Variants in CSMD1 observed in about 807,000 individuals in gnomAD.
CSMD1 encodes CUB and sushi domain-containing protein 1.
A neutral mutation model predicts 417.5 loss-of-function variants in CSMD1; 213 were observed. The observed-to-expected ratio is 0.51, with a 90% CI of 0.46 to 0.57. The LOEUF is 0.57. Among genes scored for constraint, CSMD1 ranks in the 20% least tolerant of loss-of-function variants. The pLI, the probability that CSMD1 is intolerant of heterozygous loss-of-function variation, is 0.00. For synonymous variants in CSMD1, 2,862 were observed against 1,736.8 expected, an observed-to-expected ratio of 1.65 and a Z score of -16.11; for missense variants, 6,923 against 4,529.7, an observed-to-expected ratio of 1.53 and a Z score of -15.17.
intron 8 of CSMD1, among the ~76,000 whole-genome samples, chr8:3,601,939 A>G (rs1801380395): frequency 6.6e-6 from 1 of 152,150 alleles, no homozygotes; most frequent in Non-Finnish European, 1.5e-5. Context: ...GTCTATAGTG[A>G]TCACGTTCCC....
intron 7 of CSMD1, among the ~76,000 whole-genome samples, chr8:3,634,269 T>A (rs1796925269): frequency 6.6e-6 from 1 of 152,200 alleles, no homozygotes; most frequent in Admixed American, 6.5e-5. Context: ...TCCAGCCACA[T>A]GGTATTGGAG....
chr8:4,452,859 A>C (rs143801212), intron 2 of CSMD1, among the ~76,000 whole-genome samples: 255 of 152,302 alleles, frequency 1.7e-3, no homozygotes, highest in Middle Eastern at 0.01. Context: ...TGAGAAGGTG[A>C]TATAGGAAGG....
intron 12 of CSMD1, among the ~76,000 whole-genome samples, chr8:3,433,444 T>C (rs1814350865): frequency 6.6e-6 from 1 of 152,214 alleles, no homozygotes; most frequent in African/African-American, 2.4e-5. Flanking sequence ...TTAAATATTT[T>C]ATTTTTTCTT....
chr8:3,275,294 A>G (rs967505312), intron 26 of CSMD1, among the ~76,000 whole-genome samples: 1 of 152,216 alleles, frequency 6.6e-6, no homozygotes, highest in Non-Finnish European at 1.5e-5. Flanking sequence ...CTGTCAAGAG[A>G]TCTGCTGTTA....
intron 35 of CSMD1, among the ~76,000 whole-genome samples, chr8:3,188,666 A>T (rs118110556): frequency 0.026 from 3,894 of 150,554 alleles, 73 homozygotes; most frequent in Non-Finnish European, 0.038. Context: ...AATTGATTAT[A>T]TTTATTCAAA....
intron 2 of CSMD1, among the ~76,000 whole-genome samples, chr8:4,518,715 T>A (rs546804222): frequency 1.3e-5 from 2 of 151,986 alleles, no homozygotes; most frequent in Non-Finnish European, 2.9e-5. Context: ...TGTATACATA[T>A]GTAACTAACC....
intron 1 of CSMD1, among the ~76,000 whole-genome samples, chr8:4,919,967 T>A (rs958922702): frequency 6.6e-6 from 1 of 152,188 alleles, no homozygotes; most frequent in African/African-American, 2.4e-5. Flanking sequence ...GATCTTGGAC[T>A]TCCCAGCCTC....
chr8:3,585,783 T>C (rs1800573039), intron 9 of CSMD1, among the ~76,000 whole-genome samples: 1 of 152,186 alleles, frequency 6.6e-6, no homozygotes. Context: ...TGAACATTTT[T>C]AGGTTTGCGG....
intron 41 of CSMD1, among the ~76,000 whole-genome samples, chr8:3,140,725 T>TA (rs201439978): frequency 0.3 from 42,976 of 145,664 alleles, 7,686 homozygotes; most frequent in African/African-American, 0.5. Flanking sequence ...TTAACTATAT[T>TA]AAAAAAAAAA....
At chr8:4,445,928 T>G (rs1337843328) in intron 2 of CSMD1, among the ~76,000 whole-genome samples, 1 of 152,148 alleles carries the variant, frequency 6.6e-6, no homozygotes, top group Non-Finnish European at 1.5e-5. Context: ...GCCTTTCAGC[T>G]GGTCAGAGAA....
intron 1 of CSMD1, among the ~76,000 whole-genome samples, chr8:4,693,283 G>A (rs540111957): frequency 2.0e-5 from 3 of 152,342 alleles, no homozygotes; most frequent in Admixed American, 6.5e-5. Flanking sequence ...TGGAGAGGTA[G>A]ATAGGGAAGA....
At chr8:4,071,024 T>G (rs1585249913) in intron 3 of CSMD1, among the ~76,000 whole-genome samples, 2 of 152,298 alleles carry the variant, frequency 1.3e-5, no homozygotes, top group African/African-American at 4.8e-5. Context: ...CTTTCAAGCT[T>G]TTTCTCTGTC....
intron 2 of CSMD1, among the ~76,000 whole-genome samples, chr8:4,452,385 C>T (rs570980129): frequency 5.9e-5 from 9 of 152,268 alleles, no homozygotes; most frequent in Non-Finnish European, 1.0e-4. Context: ...GGCGTAGCCT[C>T]GAGGGCTTGG....
chr8:4,593,724 T>C (rs750087468), intron 2 of CSMD1, among the ~76,000 whole-genome samples: 1 of 152,184 alleles, frequency 6.6e-6, no homozygotes, highest in Non-Finnish European at 1.5e-5. Flanking sequence ...ATCTCTTAAT[T>C]TTTCCAACAA....
At chr8:4,914,583 G>GAAAAAAAAAA (rs59293226) in intron 1 of CSMD1, among the ~76,000 whole-genome samples, 2 of 133,684 alleles carry the variant, frequency 1.5e-5, no homozygotes, top group African/African-American at 2.8e-5. Flanking sequence ...CTCCCAAAAA[G>GAAAAAAAAAA]AAAAAAAAAA....
chr8:4,363,328 C>G (rs1300176776), intron 3 of CSMD1, among the ~76,000 whole-genome samples: 1 of 152,102 alleles, frequency 6.6e-6, no homozygotes, highest in Non-Finnish European at 1.5e-5. Context: ...CTACAGGTAC[C>G]CTGCATAACT....
chr8:3,688,380 T>A (rs540810756), intron 7 of CSMD1, among the ~76,000 whole-genome samples: 28 of 152,292 alleles, frequency 1.8e-4, no homozygotes, highest in African/African-American at 5.8e-4. Context: ...AAAGGAGGAA[T>A]TGAGAAATAG....
chr8:3,693,830 T>G (rs1034605975), intron 7 of CSMD1, among the ~76,000 whole-genome samples: 9 of 151,138 alleles, frequency 6.0e-5, no homozygotes, highest in Non-Finnish European at 1.3e-4. Context: ...TTATGGTGTG[T>G]GTGTTGTGTG....
Position 3,998,036 on chromosome 8 carries a change from C to G in CSMD1, c.685G>C (p.Glu229Gln). 1 of 1,603,484 alleles carries G rather than the reference C, an allele frequency of 6.2e-7. No individual in the cohort carries two copies. The highest frequency in any genetic ancestry group is 8.5e-7 in the Non-Finnish European group (1 of 1,174,640). Residue 229 changes from glutamate (E) to glutamine (Q), a missense_variant, in exon 5 of 70, where the codon GAG becomes CAG. Glu to Gln is a conservative substitution (Grantham distance 29, BLOSUM62 2). Transcript: ENST00000635120. Reference protein sequence around the residue: ...ISSPHFPSEYENNADCTWTIL... With the variant: ...ISSPHFPSEYQNNADCTWTIL... ...GTCCAGGTGCAGTCCGCGTTGTTCT[C>G]GTACTCTGAAGGGAAGTGCGGGCTG...
Sources: gnomAD v4.1 joint callset for allele counts (sites outside exome capture counted in the v4.1 genomes callset) on GRCh38, gnomAD v4.1.1 for gene constraint, MANE v1.5 for transcripts, NCBI Gene and HGNC (gene_info 2026-07-23, HGNC 2026-07-21) for gene names.